STARD13: variants seen among roughly 807,000 people sequenced by gnomAD.
STARD13 encodes StAR related lipid transfer domain containing 13, also known as stAR-related lipid transfer protein 13.
In STARD13, 62 loss-of-function variants were observed where a neutral mutation model predicts 106.4. The ratio of observed to expected loss-of-function variants is 0.58; its 90% CI spans 0.48 to 0.72. The LOEUF (loss-of-function observed/expected upper bound fraction) is 0.72. STARD13 is among the 30% of genes least tolerant of loss of function. The pLI is 0.00. For missense variants in STARD13, 1,387 were observed against 1,424.0 expected (o/e 0.97, Z 0.42); for synonymous variants, 565 against 553.0 (o/e 1.02, Z -0.31).
chr13:33,545,004 G>T, the STARD13 span, among the ~76,000 whole-genome samples: 1 of 151,932 alleles, frequency 6.6e-6, no homozygotes, highest in African/African-American at 2.4e-5. Flanking sequence ...TGCCCAGGCT[G>T]GGGTGCAATG....
intron 1 of STARD13, among the ~76,000 whole-genome samples, chr13:33,170,475 T>C (rs115361581): frequency 0.017 from 2,610 of 152,332 alleles, 76 homozygotes; most frequent in African/African-American, 0.06. Flanking sequence ...ACTGAAATCC[T>C]ATTCAGATAC....
intron 1 of STARD13, among the ~76,000 whole-genome samples, chr13:33,221,791 C>T (rs1018291423): frequency 1.2e-4 from 19 of 152,134 alleles, no homozygotes; most frequent in African/African-American, 4.3e-4. Context: ...ACCCAAGTAC[C>T]CATCAGATGA....
At chr13:33,481,689 C>T in the STARD13 span, among the ~76,000 whole-genome samples, 1 of 152,062 alleles carries the variant, frequency 6.6e-6, no homozygotes, top group Admixed American at 6.6e-5. Context: ...AATTAAAAGA[C>T]TTTAGAGCCA....
intron 3 of STARD13, among the ~76,000 whole-genome samples, chr13:33,155,905 C>T (rs1046106698): frequency 8.5e-5 from 13 of 152,182 alleles, no homozygotes; most frequent in African/African-American, 2.9e-4. Flanking sequence ...CCAATAAAGA[C>T]AGGCAGCAGC....
intron 8 of STARD13, 65 bp downstream of exon 8, chr13:33,118,000 G>C: frequency 6.2e-7 from 1 of 1,603,532 alleles, no homozygotes; most frequent in South Asian, 1.1e-5. Flanking sequence ...TCAATCTATA[G>C]GGAATTATTT....
chr13:33,284,763 T>C (rs1213453952), intron 1 of STARD13, among the ~76,000 whole-genome samples: 1 of 152,154 alleles, frequency 6.6e-6, no homozygotes, highest in East Asian at 1.9e-4. Context: ...ATTTTAGTAA[T>C]GTCCAGACTT....
In STARD13 at chr13:33,320,591, C is replaced by T. The variant is rs80084828; in HGVS notation, c.124+29699G>A. On this transcript the variant is annotated intron_variant, in intron 1 of 5. Transcript: ENST00000567873. ...ACTCAGATGATTTTTTCAGAACCTG[C>T]AATTTTTCAAAATATACTTAGATTA... 7.4e-4 allele frequency among the ~76,000 whole-genome samples: 112 copies of T among 152,250 alleles called. 2 individuals are homozygous for T. In the East Asian group the frequency reaches 0.021, roughly 29 times the overall value.
chr13:33,350,328 T>G, exon 1 of STARD13: 1 of 1,534,484 alleles, frequency 6.5e-7, no homozygotes, highest in South Asian at 1.2e-5. Context: ...CCACAGCAGA[T>G]CCCAGGCTCT....
chr13:33,318,352 A>T (rs760650087), intron 1 of STARD13, among the ~76,000 whole-genome samples: 2 of 152,326 alleles, frequency 1.3e-5, no homozygotes, highest in East Asian at 1.9e-4. Flanking sequence ...CTTTTCAGCA[A>T]ACGGTTTTGG....
the STARD13 span, among the ~76,000 whole-genome samples, chr13:33,639,963 C>G: frequency 6.6e-6 from 1 of 152,184 alleles, no homozygotes; most frequent in Non-Finnish European, 1.5e-5. Flanking sequence ...GGGTTTTTCT[C>G]TCGACATTGG....
chr13:33,221,852 A>T lies in STARD13; in HGVS notation c.170-54230T>A, dbSNP rs557750176. ...ATACAATGAAATATTACTCAGCTTT[A>T]AAAAGCAAGGGCATTAGGCTGGGTG... On this transcript the variant is annotated intron_variant, in intron 1 of 13. Transcript: ENST00000336934. 2.6e-5 allele frequency among the ~76,000 whole-genome samples: 4 copies of T among 152,360 alleles called. No individual in the cohort carries two copies. The South Asian group carries it at 8.3e-4, about 32-fold the overall frequency.
the STARD13 span, among the ~76,000 whole-genome samples, chr13:33,509,267 G>T: frequency 1.3e-5 from 2 of 152,086 alleles, no homozygotes; most frequent in Non-Finnish European, 2.9e-5. Flanking sequence ...AAAGGGATTT[G>T]GTCCTTCCTA....
chr13:33,190,560 C>T (rs1405268516), intron 1 of STARD13, among the ~76,000 whole-genome samples: 1 of 151,598 alleles, frequency 6.6e-6, no homozygotes, highest in African/African-American at 2.4e-5. Context: ...GAATACTGCA[C>T]CCATTTCGTT....
At chr13:33,388,954 CTTTT>C in the STARD13 span, among the ~76,000 whole-genome samples, 12 of 128,368 alleles carry the variant, frequency 9.3e-5, no homozygotes, top group Admixed American at 4.7e-4. Context: ...AGGGGTCCTT[CTTTT>C]TTTTTTTTTT....
At chr13:33,179,093 T>C (rs1884985771) in intron 1 of STARD13, among the ~76,000 whole-genome samples, 1 of 152,250 alleles carries the variant, frequency 6.6e-6, no homozygotes, top group African/African-American at 2.4e-5. Context: ...TATCTGTTTC[T>C]GGAATAAAGC....
the STARD13 span, among the ~76,000 whole-genome samples, chr13:33,569,114 G>C: frequency 6.8e-6 from 1 of 147,906 alleles, no homozygotes; most frequent in African/African-American, 2.5e-5. Flanking sequence ...AAGTGTTGAA[G>C]TGGGAAGATA....
the STARD13 span, among the ~76,000 whole-genome samples, chr13:33,669,660 C>T: frequency 4.6e-5 from 7 of 151,596 alleles, no homozygotes; most frequent in Admixed American, 2.0e-4. Flanking sequence ...CTCAGCCTCC[C>T]GAGTAGCTGG....
rs142139687 is a variant in STARD13 at position 33,129,724 on chromosome 13, G to A, written c.953C>T (p.Ala318Val). The change falls in exon 5 of 14, where the codon GCC (alanine) becomes GTC (valine). Residue 318 changes from alanine (A) to valine (V), a missense_variant. Physicochemically the swap from Ala to Val is moderately conservative, Grantham distance 64 (BLOSUM62 0). Transcript: ENST00000336934. ...AGAGCATGGGAGCCCTTTTCTGCAG[G>A]CAGGTGGCGGCGAATTCTGGAGATC... ...NGDLQNSPPP[A>V]CRKGLPCSGK... 1 of 1,613,960 alleles carries A rather than the reference G, an allele frequency of 6.2e-7. No individual in the cohort carries two copies. Among genetic ancestry groups the A allele is most frequent in the Non-Finnish European group, 8.5e-7 (1 of 1,180,038 alleles).
the STARD13 span, among the ~76,000 whole-genome samples, chr13:33,430,321 G>T: frequency 6.6e-6 from 1 of 152,188 alleles, no homozygotes; most frequent in Non-Finnish European, 1.5e-5. Flanking sequence ...ATTTCACATT[G>T]CATGCCTCTA....
Sources: gnomAD v4.1 joint callset for allele counts (sites outside exome capture counted in the v4.1 genomes callset) on GRCh38, gnomAD v4.1.1 for gene constraint, MANE v1.5 for transcripts, NCBI Gene and HGNC (gene_info 2026-07-23, HGNC 2026-07-21) for gene names.